Variants in CDK14 observed in about 807,000 individuals in gnomAD.
CDK14 encodes cyclin-dependent kinase 14.
CDK14 carries 34 observed loss-of-function variants against 60.7 expected under a neutral mutation model. That is an observed-to-expected ratio of 0.56 (90% CI 0.43 to 0.75). CDK14 has a LOEUF of 0.75. CDK14 is among the 30% of genes least tolerant of loss of function. The probability of loss-of-function intolerance (pLI) is 0.00; values close to 1 mark genes in which losing one functional copy is unlikely to be tolerated. For missense variants in CDK14, 482 were observed against 564.1 expected, an observed-to-expected ratio of 0.85 and a Z score of 1.47; for synonymous variants, 197 against 203.7, an observed-to-expected ratio of 0.97 and a Z score of 0.28.
At chr7:90,655,684 A>G (rs1800737477) in intron 2 of CDK14, among the ~76,000 whole-genome samples, 1 of 152,220 alleles carries the variant, frequency 6.6e-6, no homozygotes, top group African/African-American at 2.4e-5. Flanking sequence ...TTACAAATGC[A>G]TATCTAGAGT....
intron 8 of CDK14, among the ~76,000 whole-genome samples, chr7:90,946,691 G>A (rs1172187491): frequency 6.6e-6 from 1 of 152,032 alleles, no homozygotes; most frequent in Non-Finnish European, 1.5e-5. Context: ...CTTCAGTCCG[G>A]GCATTTCAGA....
intron 14 of CDK14, among the ~76,000 whole-genome samples, chr7:91,146,063 A>G (rs1285447601): frequency 6.6e-6 from 1 of 152,206 alleles, no homozygotes; most frequent in Non-Finnish European, 1.5e-5. Flanking sequence ...CTCAAAATAG[A>G]CAATGATGGT....
chr7:91,083,741 T>G (rs1338877171), intron 12 of CDK14, among the ~76,000 whole-genome samples: 1 of 152,186 alleles, frequency 6.6e-6, no homozygotes, highest in Non-Finnish European at 1.5e-5. Flanking sequence ...AGGAGATGCT[T>G]TCCAGGCCCT....
intron 3 of CDK14, among the ~76,000 whole-genome samples, chr7:90,730,070 T>G (rs1360697872): frequency 6.6e-6 from 1 of 152,146 alleles, no homozygotes; most frequent in Non-Finnish European, 1.5e-5. Context: ...GTGTTCTCAT[T>G]GTTTAACTCC....
In CDK14 at chr7:91,118,060, C is replaced by T. The variant is rs765232376; in HGVS notation, c.1295-5C>T. On this transcript the variant is annotated splice_polypyrimidine_tract_variant and splice_region_variant and intron_variant, in intron 13 of 14. Coordinates refer to ENST00000380050, the MANE Select transcript of CDK14 (RefSeq NM_001287135.2). ...ATAAATGAAAACTTCATATTCTGTCCACAGTGTCTTCTATTTTTACTGTCC... is the reference window on the plus strand; with the variant it reads ...ATAAATGAAAACTTCATATTCTGTCTACAGTGTCTTCTATTTTTACTGTCC... The T allele has an allele frequency of 3.3e-6, 5 of 1,533,764 alleles. No individual in the cohort carries two copies. Among genetic ancestry groups the T allele is most frequent in the Non-Finnish European group, 4.5e-6 (5 of 1,108,458 alleles).
At chr7:91,112,437 C>G (rs1799490868) in intron 12 of CDK14, 105 bp from the exon 13 acceptor site, 2 of 1,267,810 alleles carry the variant, frequency 1.6e-6, no homozygotes, top group South Asian at 1.5e-5. Context: ...ATTTGTTTTT[C>G]TAGCCAGGAA....
intron 3 of CDK14, among the ~76,000 whole-genome samples, chr7:90,732,784 A>T (rs1284398357): frequency 6.6e-6 from 1 of 152,156 alleles, no homozygotes; most frequent in East Asian, 1.9e-4. Context: ...ATCTTTCAAA[A>T]AACCAGCTCC....
At chr7:90,870,675 G>T (rs1791342582) in intron 6 of CDK14, among the ~76,000 whole-genome samples, 1 of 152,034 alleles carries the variant, frequency 6.6e-6, no homozygotes, top group South Asian at 2.1e-4. Flanking sequence ...AATGTAAAAA[G>T]AATTGGCAGG....
intron 14 of CDK14, among the ~76,000 whole-genome samples, chr7:91,161,444 G>A (rs879353586): frequency 1.3e-5 from 2 of 152,148 alleles, no homozygotes; most frequent in African/African-American, 4.8e-5. Flanking sequence ...AAAATGCAAG[G>A]TTTATTGTTT....
At chr7:91,125,115 A>G (rs536822555) in intron 14 of CDK14, among the ~76,000 whole-genome samples, 38 of 152,252 alleles carry the variant, frequency 2.5e-4, no homozygotes, top group Middle Eastern at 3.4e-3. Context: ...CTAAATGACA[A>G]TGTCGAGAAG....
At chr7:90,854,902 C>T (rs765501891) in intron 5 of CDK14, among the ~76,000 whole-genome samples, 1 of 152,136 alleles carries the variant, frequency 6.6e-6, no homozygotes, top group Non-Finnish European at 1.5e-5. Flanking sequence ...CCATTCCCAT[C>T]CTTGTTGCTA....
intron 2 of CDK14, among the ~76,000 whole-genome samples, chr7:90,718,750 G>A (rs1802339785): frequency 6.6e-6 from 1 of 152,060 alleles, no homozygotes; most frequent in Admixed American, 6.6e-5. Context: ...CATACTATTA[G>A]GGAGAAAATA....
At chr7:90,750,153 AACACACAC>A (rs3138824) in intron 4 of CDK14, among the ~76,000 whole-genome samples, 18,225 of 131,240 alleles carry the variant, frequency 0.14, 1,393 homozygotes, top group Middle Eastern at 0.24. Context: ...GGGGAAAGAA[AACACACAC>A]ACACACACAC....
At chr7:90,826,798 C>T (rs1239371390) in intron 5 of CDK14, among the ~76,000 whole-genome samples, 5 of 152,066 alleles carry the variant, frequency 3.3e-5, no homozygotes, top group African/African-American at 1.2e-4. Flanking sequence ...CCCTGGCACA[C>T]AGTTCCCTTT....
intron 3 of CDK14, among the ~76,000 whole-genome samples, chr7:90,745,281 G>A (rs968693241): frequency 1.3e-4 from 20 of 151,992 alleles, no homozygotes; most frequent in Non-Finnish European, 4.4e-5. Flanking sequence ...TAATAAAATT[G>A]TTGTGTTTCC....
chr7:90,788,002 C>G (rs559114130), intron 4 of CDK14, among the ~76,000 whole-genome samples: 1 of 152,132 alleles, frequency 6.6e-6, no homozygotes, highest in Non-Finnish European at 1.5e-5. Context: ...CAGTGTGTTA[C>G]AAGGCAAACA....
intron 2 of CDK14, among the ~76,000 whole-genome samples, chr7:90,642,706 C>T (rs1225078864): frequency 6.6e-6 from 1 of 152,008 alleles, no homozygotes; most frequent in African/African-American, 2.4e-5. Flanking sequence ...AGATTTCTTG[C>T]ATAGGTATTG....
intron 4 of CDK14, 88 bp from the exon 5 acceptor site, chr7:90,790,485 T>C: frequency 1.3e-6 from 1 of 777,750 alleles, no homozygotes; most frequent in South Asian, 2.3e-5. Flanking sequence ...AAAGTGAATT[T>C]ATTTAGTTAT....
At chr7:91,195,525 C>G (rs892619753) in intron 14 of CDK14, among the ~76,000 whole-genome samples, 4 of 152,164 alleles carry the variant, frequency 2.6e-5, no homozygotes, top group African/African-American at 9.7e-5. Context: ...AACTGCAATA[C>G]TTGGGAAGAA....
Sources: gnomAD v4.1 joint callset for allele counts (sites outside exome capture counted in the v4.1 genomes callset) on GRCh38, gnomAD v4.1.1 for gene constraint, MANE v1.5 for transcripts, NCBI Gene and HGNC (gene_info 2026-07-23, HGNC 2026-07-21) for gene names.